The following HS2ST1 variants were observed in gnomAD, a reference collection of about 807,000 sequenced individuals.
HS2ST1 encodes 2-O-sulfotransferase.
In HS2ST1, 18 loss-of-function variants were observed where a neutral mutation model predicts 42.9. That is an observed-to-expected ratio of 0.42 (90% CI 0.29 to 0.62). The LOEUF (loss-of-function observed/expected upper bound fraction) is 0.62, where lower values mean the gene tolerates loss of function less well. Ranked by LOEUF, HS2ST1 falls within the 20% of genes least tolerant of loss-of-function variation. The pLI is 0.21. For missense variants in HS2ST1, 334 were observed against 433.8 expected (o/e 0.77, Z 2.04); for synonymous variants, 146 against 152.9 (o/e 0.95, Z 0.33).
chr1:87,021,167 A>G (rs1649939341), intron 1 of HS2ST1, among the ~76,000 whole-genome samples: 1 of 152,182 alleles, frequency 6.6e-6, no homozygotes, highest in Admixed American at 6.5e-5. Context: ...AAAAATTACC[A>G]GCAGGCCTTG....
Position 87,105,889 on chromosome 1 carries a change from G to A in HS2ST1, c.*1193G>A, listed in dbSNP as rs1652314956. On this transcript the variant is annotated 3_prime_UTR_variant, in exon 7 of 7. Coordinates refer to ENST00000370550, the MANE Select transcript of HS2ST1 (RefSeq NM_012262.4). ...TACAGTGGAATGAGTACTGGACAAG[G>A]AGTCAAAAAACTTGATTTCAGGTCC... 1 of 152,456 alleles carries A rather than the reference G, an allele frequency of 6.6e-6. No individual in the cohort carries two copies. Among genetic ancestry groups the A allele is most frequent in the African/African-American group, 2.4e-5 (1 of 41,426 alleles). The allele number at this position is 152,456 out of a possible 1,614,324, so 9.4% of individuals were successfully genotyped here. A position where few individuals can be genotyped will look rare whatever the true frequency, so the allele number is the denominator to read the frequency against.
chr1:87,022,367 A>G (rs1051812897), intron 1 of HS2ST1, among the ~76,000 whole-genome samples: 1 of 152,174 alleles, frequency 6.6e-6, no homozygotes, highest in African/African-American at 2.4e-5. Context: ...CAGTTCTGCC[A>G]TAGTTCAACA....
intron 3 of HS2ST1, among the ~76,000 whole-genome samples, chr1:87,086,459 G>A (rs1331513579): frequency 1.3e-5 from 2 of 152,142 alleles, no homozygotes; most frequent in African/African-American, 4.8e-5. Flanking sequence ...GTACTTTGTG[G>A]AGTCCAGTAA....
In HS2ST1 at chr1:87,107,272, A is replaced by G. The variant is rs558908006; in HGVS notation, c.*2576A>G. The G allele has an allele frequency of 5.9e-5, 9 of 152,048 alleles. No homozygotes were observed. The highest frequency in any genetic ancestry group is 1.0e-4 in the Non-Finnish European group (7 of 67,890). The allele number at this position is 152,048 out of a possible 1,614,324, so 9.4% of individuals were successfully genotyped here. On this transcript the variant is annotated 3_prime_UTR_variant, in exon 7 of 7. Transcript: ENST00000370550. ...TGTAGTCTCTCCCACAGATTCATAA[A>G]CTTTTATGACTTATATTGTTTCCAG...
At chr1:86,985,367 A>AAAGTATATATATGT (rs1330659867) in intron 1 of HS2ST1, among the ~76,000 whole-genome samples, 1 of 41,090 alleles carries the variant, frequency 2.4e-5, no homozygotes, top group African/African-American at 5.9e-5. Flanking sequence ...AAAAAAAAAA[A>AAAGTATATATATGT]GTATATATAT....
At chr1:87,011,110 A>T (rs1649587457) in intron 1 of HS2ST1, among the ~76,000 whole-genome samples, 1 of 151,388 alleles carries the variant, frequency 6.6e-6, no homozygotes, top group South Asian at 2.1e-4. Flanking sequence ...ATAGAAAAAT[A>T]TTCCTATGAA....
chr1:86,932,234 T>C (rs1660559386), intron 1 of HS2ST1: 1 of 152,180 alleles, frequency 6.6e-6, no homozygotes, highest in Non-Finnish European at 1.5e-5. Flanking sequence ...TTCTCACATA[T>C]GTGAGAGCTA....
intron 1 of HS2ST1, among the ~76,000 whole-genome samples, chr1:86,962,776 A>G (rs1354368790): frequency 6.6e-6 from 1 of 152,198 alleles, no homozygotes; most frequent in East Asian, 1.9e-4. Context: ...TTCAAAGTAA[A>G]TATAGGTTAT....
intron 1 of HS2ST1, among the ~76,000 whole-genome samples, chr1:86,973,505 G>T (rs1435067638): frequency 1.3e-5 from 2 of 152,006 alleles, no homozygotes; most frequent in Admixed American, 6.6e-5. Context: ...GCTTACCTTT[G>T]TTGGGCCTCA....
At chr1:87,067,944 A>G (rs1043673556) in intron 1 of HS2ST1, among the ~76,000 whole-genome samples, 1 of 152,220 alleles carries the variant, frequency 6.6e-6, no homozygotes, top group African/African-American at 2.4e-5. Flanking sequence ...TTTTGATACC[A>G]GTACCATGCT....
chr1:87,002,446 T>C (rs747222684), intron 1 of HS2ST1, among the ~76,000 whole-genome samples: 3 of 151,704 alleles, frequency 2.0e-5, no homozygotes, highest in Non-Finnish European at 4.4e-5. Flanking sequence ...TACAAAAAAA[T>C]TAGCAGGGCA....
intron 1 of HS2ST1, among the ~76,000 whole-genome samples, chr1:86,935,081 G>A (rs80331951): frequency 1.4e-4 from 21 of 151,696 alleles, no homozygotes; most frequent in East Asian, 9.7e-4. Flanking sequence ...TGACTGTTTC[G>A]TTCTTTAGTC....
chr1:87,089,212 TA>T (rs572482690), intron 3 of HS2ST1, among the ~76,000 whole-genome samples: 1 of 152,038 alleles, frequency 6.6e-6, no homozygotes, highest in African/African-American at 2.4e-5. Flanking sequence ...AATGTAATTG[TA>T]AAAAAATGAG....
intron 1 of HS2ST1, among the ~76,000 whole-genome samples, chr1:87,048,960 T>C (rs1650765337): frequency 1.3e-5 from 2 of 152,256 alleles, no homozygotes; most frequent in Admixed American, 1.3e-4. Context: ...CAAGAGTTTG[T>C]GTTGATGTTT....
At chr1:86,916,749 C>G (rs1022847703) in intron 1 of HS2ST1, among the ~76,000 whole-genome samples, 6 of 152,046 alleles carry the variant, frequency 3.9e-5, no homozygotes, top group African/African-American at 1.4e-4. Context: ...TATTAATGAT[C>G]CAGCTCTACA....
Position 87,102,069 on chromosome 1 carries a change from A to T in HS2ST1, c.687-1363A>T, listed in dbSNP as rs540763871. Among the ~76,000 whole-genome samples, 182 of 150,812 alleles carry T rather than the reference A, an allele frequency of 1.2e-3. 1 individual carries two copies. Among genetic ancestry groups the T allele is most frequent in the African/African-American group, 4.2e-3 (171 of 41,134 alleles). ...GTCGTTTATTATTATTATTATTATT[A>T]TTTTTGAGACAAAGTTTTGCTCTTG... On this transcript the variant is annotated intron_variant, in intron 5 of 6. Transcript: ENST00000370550.
At chr1:87,053,674 A>T (rs1011249218) in intron 1 of HS2ST1, among the ~76,000 whole-genome samples, 57 of 152,202 alleles carry the variant, frequency 3.7e-4, no homozygotes, top group African/African-American at 1.3e-3. Context: ...AAGGCATGTC[A>T]GTAAGACATG....
intron 1 of HS2ST1, among the ~76,000 whole-genome samples, chr1:86,945,886 TG>T (rs1647318651): frequency 6.6e-6 from 1 of 152,172 alleles, no homozygotes; most frequent in Admixed American, 6.6e-5. Context: ...CTGGGCAGCA[TG>T]GCAAAACCTG....
At chr1:87,014,959 C>A (rs970459434) in intron 1 of HS2ST1, among the ~76,000 whole-genome samples, 11 of 152,196 alleles carry the variant, frequency 7.2e-5, no homozygotes, top group Non-Finnish European at 1.6e-4. Context: ...AAATAAATAT[C>A]TTTCTTTTAG....
Sources: gnomAD v4.1 joint callset for allele counts (sites outside exome capture counted in the v4.1 genomes callset) on GRCh38, gnomAD v4.1.1 for gene constraint, MANE v1.5 for transcripts, NCBI Gene and HGNC (gene_info 2026-07-23, HGNC 2026-07-21) for gene names.